Variants in RAPH1 observed in about 807,000 individuals in gnomAD.
RAPH1 encodes the protein ras-associated and pleckstrin homology domains-containing protein 1.
Under a neutral mutation model 88.1 loss-of-function variants are expected in RAPH1, and 18 were observed. The observed-to-expected ratio is 0.20, with a 90% confidence interval of 0.14 to 0.30. RAPH1 has a LOEUF of 0.30. RAPH1 is among the 10% of genes least tolerant of loss of function. The pLI, the probability that RAPH1 is intolerant of heterozygous loss-of-function variation, is 1.00. For synonymous variants in RAPH1, 587 were observed against 559.0 expected (o/e 1.05, Z -0.71); for missense variants, 1,448 against 1,543.2 (o/e 0.94, Z 1.03).
In RAPH1 at chr2:203,467,663, AG is replaced by A. The variant is rs531576364; in HGVS notation, c.733-5739del. On this transcript the variant is annotated intron_variant, in intron 4 of 13. Coordinates refer to ENST00000319170, the MANE Select transcript of RAPH1 (RefSeq NM_213589.3). ...GAGGACTTTTCATGTCCAAGGTCTC[AG>A]GACCAACTTCAGGACTTGTGTACGT... 3.0e-3 allele frequency among the ~76,000 whole-genome samples: 454 copies of A among 152,304 alleles called. 2 individuals are homozygous for A. Among genetic ancestry groups the A allele is most frequent in the Non-Finnish European group, 5.8e-3 (393 of 68,028 alleles).
chr2:203,463,614 C>T (rs1359557983), intron 4 of RAPH1, among the ~76,000 whole-genome samples: 3 of 152,092 alleles, frequency 2.0e-5, no homozygotes, highest in Non-Finnish European at 4.4e-5. Context: ...TAACCAGGGT[C>T]TGGAAATACT....
intron 1 of RAPH1, among the ~76,000 whole-genome samples, chr2:203,518,732 T>C (rs1329254486): frequency 3.3e-5 from 5 of 151,834 alleles, no homozygotes; most frequent in Admixed American, 6.6e-5. Flanking sequence ...CCTGTAGTCC[T>C]AGTTACTTGG....
chr2:203,464,745 G>A (rs1047873194), intron 4 of RAPH1, among the ~76,000 whole-genome samples: 16 of 151,772 alleles, frequency 1.1e-4, no homozygotes, highest in African/African-American at 3.4e-4. Context: ...TGCAAAAGAC[G>A]TATCTGATAA....
intron 1 of RAPH1, among the ~76,000 whole-genome samples, chr2:203,518,787 GTGAGCTA>G (rs1377451932): frequency 6.6e-6 from 1 of 152,148 alleles, no homozygotes; most frequent in Non-Finnish European, 1.5e-5. Flanking sequence ...CAAGGTTACA[GTGAGCTA>G]TGATCCCACC....
At chr2:203,441,673 C>G in intron 13 of RAPH1, 1 of 1,307,746 alleles carries the variant, frequency 7.6e-7, no homozygotes, top group Non-Finnish European at 9.7e-7. Flanking sequence ...GGAAAAATGT[C>G]CGGCTGCAAA....
intron 4 of RAPH1, among the ~76,000 whole-genome samples, chr2:203,476,029 A>G (rs146274425): frequency 6.6e-6 from 1 of 152,334 alleles, no homozygotes; most frequent in Non-Finnish European, 1.5e-5. Flanking sequence ...AGAAATCATC[A>G]CAAAGGTAAT....
intron 7 of RAPH1, among the ~76,000 whole-genome samples, chr2:203,458,533 T>A (rs2098521677): frequency 6.6e-6 from 1 of 152,180 alleles, no homozygotes; most frequent in African/African-American, 2.4e-5. Context: ...ATATAACCTA[T>A]GCACATTCTC....
Position 203,448,583 on chromosome 2 carries a change from A to G in RAPH1, c.1512+155T>C, listed in dbSNP as rs1338957132. ...AAGTTTATCCCTATAAACAAGGAAA[A>G]AAGACAACATTTAAAACTTGAAACT... On this transcript the variant is annotated intron_variant, in intron 11 of 13. Coordinates refer to ENST00000319170, the MANE Select transcript of RAPH1 (RefSeq NM_213589.3). This position sits in a 1 kb window ranked among gnomAD's most constrained non-coding sequence, Gnocchi z 4.1. Among the ~76,000 whole-genome samples, 1 of 152,242 alleles carries G rather than the reference A, an allele frequency of 6.6e-6. No homozygotes were observed. The highest frequency in any genetic ancestry group is 1.5e-5 in the Non-Finnish European group (1 of 68,042).
chr2:203,458,604 T>C (rs958529393), intron 7 of RAPH1, among the ~76,000 whole-genome samples: 13 of 152,178 alleles, frequency 8.5e-5, no homozygotes, highest in African/African-American at 3.1e-4. Flanking sequence ...CTACCTATCA[T>C]TTAATTTGCA....
chr2:203,461,919 G>T lies in RAPH1; in HGVS notation c.739C>A (p.Gln247Lys). The change falls in exon 5 of 14, where the codon CAG becomes AAG. Residue 247 changes from glutamine to lysine, a missense_variant. This residue lies in a region of RAPH1 where 513 missense variants were observed against 653.1 expected (regional missense o/e 0.79). Transcript: ENST00000319170. ...TTCTCAGCTTTCAATTTTGCTGCCT[G>T]TTCTTCCTGTGAACACAAAGCATTT... ...HQGQPITEEE[Q>K]AAKLKAEKIR... 6.2e-7 allele frequency: 1 copy of T among 1,606,414 alleles called. No individual in the cohort carries two copies.
chr2:203,434,533 C>T lies in RAPH1; in HGVS notation c.*4904G>A, dbSNP rs2250800. 10,845 of 147,758 alleles carry T rather than the reference C, an allele frequency of 0.073. 619 individuals carry two copies. The highest frequency in any genetic ancestry group is 0.16 in the African/African-American group (6,488 of 39,560). 9.2% of individuals were successfully genotyped at this position (147,758 alleles called of 1,614,324 possible). ...ATTGTTTGAAACATTCCAGTTAATGCTTATTTTCTAGAAGGGGTTATTTTA... is the reference window on the plus strand; with the variant it reads ...ATTGTTTGAAACATTCCAGTTAATGTTTATTTTCTAGAAGGGGTTATTTTA... On this transcript the variant is annotated 3_prime_UTR_variant, in exon 14 of 14. Coordinates refer to ENST00000319170, the MANE Select transcript of RAPH1 (RefSeq NM_213589.3).
At chr2:203,506,289 G>C (rs1418167356) in intron 1 of RAPH1, among the ~76,000 whole-genome samples, 1 of 152,126 alleles carries the variant, frequency 6.6e-6, no homozygotes, top group African/African-American at 2.4e-5. Context: ...GTGTTTGTAG[G>C]TATGTCCACT....
intron 10 of RAPH1, among the ~76,000 whole-genome samples, chr2:203,453,479 G>A (rs1278612973): frequency 6.9e-6 from 1 of 144,014 alleles, no homozygotes; most frequent in Admixed American, 7.3e-5. Flanking sequence ...CTGAGAAGTC[G>A]AGGCTACAGT....
At chr2:203,471,398 G>A (rs1340221321) in intron 4 of RAPH1, among the ~76,000 whole-genome samples, 2 of 152,150 alleles carry the variant, frequency 1.3e-5, no homozygotes, top group Non-Finnish European at 2.9e-5. Flanking sequence ...GATCTCTTGA[G>A]GTCAGGAGTT....
chr2:203,482,832 A>AAAACAAAAC (rs371640665), intron 4 of RAPH1, among the ~76,000 whole-genome samples: 9 of 115,806 alleles, frequency 7.8e-5, no homozygotes, highest in African/African-American at 6.0e-4. Flanking sequence ...AAAACAAAAC[A>AAAACAAAAC]AAAAAAAGGT....
At chr2:203,522,910 A>G (rs977966049) in intron 1 of RAPH1, among the ~76,000 whole-genome samples, 2 of 151,398 alleles carry the variant, frequency 1.3e-5, no homozygotes, top group African/African-American at 2.4e-5. Flanking sequence ...AAAAAAAAAA[A>G]AAAAAAGAAA....
Position 203,444,979 on chromosome 2 carries a change from A to G in RAPH1, c.1665T>C (p.Asp555=), listed in dbSNP as rs1250709626. Residue 555 remains aspartate (D), a synonymous_variant, in exon 13 of 14, where the codon GAT becomes GAC. Coordinates refer to ENST00000319170, the MANE Select transcript of RAPH1 (RefSeq NM_213589.3). ...CTGGCTGGGTGTCAGAAACTCCGCTATCAGACTGATTGGAGTGGTTTGACT... is the reference window on the plus strand; with the variant it reads ...CTGGCTGGGTGTCAGAAACTCCGCTGTCAGACTGATTGGAGTGGTTTGACT... ...ESQSNHSNQS[D]SGVSDTQPAG... 3.7e-6 allele frequency: 6 copies of G among 1,614,146 alleles called. No individual in the cohort carries two copies. The South Asian group carries it at 5.5e-5, about 15-fold the overall frequency.
chr2:203,447,100 C>T (rs369181889), intron 12 of RAPH1: 68 of 151,786 alleles, frequency 4.5e-4, no homozygotes, highest in African/African-American at 1.6e-3. Context: ...TTACAAGATG[C>T]TCTAGGCTCA....
intron 1 of RAPH1, among the ~76,000 whole-genome samples, chr2:203,526,219 G>GT (rs1048968382): frequency 6.6e-6 from 1 of 151,798 alleles, no homozygotes; most frequent in African/African-American, 2.4e-5. Flanking sequence ...ATTTGCTAAC[G>GT]TTTTTTAAAA....
Sources: gnomAD v4.1 joint callset for allele counts (sites outside exome capture counted in the v4.1 genomes callset) on GRCh38, gnomAD v4.1.1 for gene constraint, gnomAD v4.1.1 regional missense constraint, Gnocchi (gnomAD v3.1) non-coding constraint, MANE v1.5 for transcripts, NCBI Gene and HGNC (gene_info 2026-07-23, HGNC 2026-07-21) for gene names.